The following AFF1 variants were observed in gnomAD, a reference collection of about 807,000 sequenced individuals.
The protein encoded by AFF1 is ALF transcription elongation factor 1, also known as AF4/FMR2 family member 1.
AFF1 carries 48 observed loss-of-function variants against 121.7 expected under a neutral mutation model. The observed-to-expected ratio is 0.39, with a 90% CI of 0.31 to 0.50. The LOEUF (loss-of-function observed/expected upper bound fraction) is 0.50. Among genes scored for constraint, AFF1 ranks in the 20% least tolerant of loss-of-function variants. The probability of loss-of-function intolerance (pLI) is 0.76; values close to 1 mark genes in which losing one functional copy is unlikely to be tolerated. For synonymous variants in AFF1, 613 were observed against 563.0 expected (o/e 1.09, Z -1.26); for missense variants, 1,523 against 1,511.7 (o/e 1.01, Z -0.12).
chr4:87,042,898 G>C (rs1730297783), intron 2 of AFF1, among the ~76,000 whole-genome samples: 1 of 152,204 alleles, frequency 6.6e-6, no homozygotes, highest in Admixed American at 6.5e-5. Context: ...GGAAGTATGG[G>C]AGAAACCCAA....
At chr4:87,022,154 G>A (rs1231722229) in intron 2 of AFF1, among the ~76,000 whole-genome samples, 17 of 142,780 alleles carry the variant, frequency 1.2e-4, no homozygotes, top group South Asian at 6.6e-4. Context: ...TCGGTGAGCC[G>A]AGATCGTGCC....
In AFF1 at chr4:87,136,839, C is replaced by T. The variant is rs1028313021; in HGVS notation, c.*1138C>T. On this transcript the variant is annotated 3_prime_UTR_variant, in exon 21 of 21. Transcript: ENST00000395146. The stretch of plus-strand genomic sequence containing the variant: ...CTAGACTTTCAGAGTCCTTGATTGT[C>T]TAGGGGAAGTTAACTCCCTGAGAGG... 1 of 220,880 alleles carries T rather than the reference C, an allele frequency of 4.5e-6. No homozygotes were observed. The highest frequency in any genetic ancestry group is 9.0e-6 in the Non-Finnish European group (1 of 110,520). 13.7% of individuals were successfully genotyped at this position (220,880 alleles called of 1,614,324 possible). A position where few individuals can be genotyped will look rare whatever the true frequency, so the allele number is the denominator to read the frequency against.
At chr4:87,094,008 C>T (rs1048883062) in intron 7 of AFF1, among the ~76,000 whole-genome samples, 26 of 152,076 alleles carry the variant, frequency 1.7e-4, no homozygotes, top group African/African-American at 6.0e-4. Context: ...TCTCATAGCC[C>T]AGCAAATACA....
Position 87,007,291 on chromosome 4 carries a change from C to G in AFF1, c.39-38875C>G. 2.6e-6 allele frequency: 4 copies of G among 1,566,516 alleles called. No homozygotes were observed. The South Asian group carries it at 4.7e-5, about 18-fold the overall frequency. On this transcript the variant is annotated intron_variant, in intron 2 of 20. Transcript: ENST00000395146. The stretch of plus-strand genomic sequence containing the variant: ...CAGGTAGTCCCGTAACATCGGGGCG[C>G]CGCGCCGGGACGCGTCCCCGCCCGG...
chr4:87,031,143 A>T (rs973300141), intron 2 of AFF1, among the ~76,000 whole-genome samples: 1 of 152,174 alleles, frequency 6.6e-6, no homozygotes, highest in African/African-American at 2.4e-5. Flanking sequence ...GCAAGACGTT[A>T]TCGTCCCCAC....
intron 4 of AFF1, among the ~76,000 whole-genome samples, chr4:87,079,665 G>T (rs147628672): frequency 6.6e-6 from 1 of 152,182 alleles, no homozygotes; most frequent in Non-Finnish European, 1.5e-5. Flanking sequence ...CAGAGCTTTT[G>T]TGTGTCCTTG....
intron 2 of AFF1, among the ~76,000 whole-genome samples, chr4:86,985,192 T>C (rs1402549676): frequency 2.8e-5 from 3 of 106,214 alleles, no homozygotes; most frequent in Non-Finnish European, 4.1e-5. Context: ...TATATATATA[T>C]ATATATATAT....
chr4:86,943,828 G>A (rs1224952436), intron 1 of AFF1, among the ~76,000 whole-genome samples: 1 of 151,992 alleles, frequency 6.6e-6, no homozygotes, highest in Non-Finnish European at 1.5e-5. Context: ...CAGGCGTGGT[G>A]GTGCATGCCT....
chr4:86,996,414 T>G (rs1465551984), intron 2 of AFF1, among the ~76,000 whole-genome samples: 5 of 150,258 alleles, frequency 3.3e-5, no homozygotes, highest in Non-Finnish European at 6.0e-5. Flanking sequence ...CCTGTTGATC[T>G]GTGACCTTAC....
chr4:87,081,445 A>T (rs1428893238), intron 4 of AFF1, among the ~76,000 whole-genome samples: 1 of 152,174 alleles, frequency 6.6e-6, no homozygotes, highest in African/African-American at 2.4e-5. Context: ...TACAGGCGTG[A>T]GCCACTGCGC....
chr4:87,087,107 G>C (rs1723818977), intron 5 of AFF1, among the ~76,000 whole-genome samples: 1 of 152,252 alleles, frequency 6.6e-6, no homozygotes, highest in African/African-American at 2.4e-5. Context: ...GGCCTCCACA[G>C]TATCTTGGGG....
chr4:87,088,812 T>C (rs1445326070), intron 5 of AFF1, among the ~76,000 whole-genome samples: 1 of 151,966 alleles, frequency 6.6e-6, no homozygotes, highest in East Asian at 1.9e-4. Context: ...AGTTTCATTC[T>C]TGTTGCCCAG....
intron 5 of AFF1, among the ~76,000 whole-genome samples, chr4:87,089,700 A>T (rs191935128): frequency 6.6e-6 from 1 of 152,330 alleles, no homozygotes; most frequent in Admixed American, 6.5e-5. Flanking sequence ...TGTTACGTAC[A>T]GTTTATGTGC....
intron 2 of AFF1, among the ~76,000 whole-genome samples, chr4:86,975,619 T>A (rs1189743009): frequency 1.3e-5 from 2 of 152,204 alleles, no homozygotes; most frequent in East Asian, 1.9e-4. Flanking sequence ...ATGCTGTGTG[T>A]TGAGGATACA....
At chr4:86,996,871 T>A (rs1426178524) in intron 2 of AFF1, among the ~76,000 whole-genome samples, 1 of 152,242 alleles carries the variant, frequency 6.6e-6, no homozygotes, top group Non-Finnish European at 1.5e-5. Flanking sequence ...TTAACGAGTT[T>A]ATGGGTTACC....
At chr4:87,062,441 C>T (rs923662663) in intron 4 of AFF1, among the ~76,000 whole-genome samples, 7 of 152,140 alleles carry the variant, frequency 4.6e-5, no homozygotes, top group Admixed American at 2.0e-4. Context: ...AATATTATCA[C>T]CTTGGGATTT....
intron 2 of AFF1, among the ~76,000 whole-genome samples, chr4:87,001,511 C>T (rs779964888): frequency 2.2e-4 from 34 of 152,106 alleles, no homozygotes; most frequent in Non-Finnish European, 4.3e-4. Context: ...CCACCGCGCC[C>T]GGCTCGTGCT....
intron 2 of AFF1, among the ~76,000 whole-genome samples, chr4:87,015,589 A>G (rs926645259): frequency 6.6e-6 from 1 of 152,222 alleles, no homozygotes; most frequent in African/African-American, 2.4e-5. Context: ...ATTGAATTTG[A>G]TAATTCTGTC....
intron 2 of AFF1, chr4:87,007,482 T>G: frequency 6.2e-7 from 1 of 1,611,100 alleles, no homozygotes; most frequent in Non-Finnish European, 8.5e-7. Flanking sequence ...GAGCTGAAGG[T>G]TGCGGGGGAG....
Sources: gnomAD v4.1 joint callset for allele counts (sites outside exome capture counted in the v4.1 genomes callset) on GRCh38, gnomAD v4.1.1 for gene constraint, MANE v1.5 for transcripts, NCBI Gene and HGNC (gene_info 2026-07-23, HGNC 2026-07-21) for gene names.